The following SHISA9 variants were observed in gnomAD, a reference collection of about 807,000 sequenced individuals.
SHISA9 encodes protein shisa-9.
A neutral mutation model predicts 38.0 loss-of-function variants in SHISA9; 13 were observed. The ratio of observed to expected loss-of-function variants is 0.34; its 90% CI spans 0.22 to 0.54. The LOEUF is 0.54. SHISA9 is among the 20% of genes least tolerant of loss of function. The pLI is 0.91. For missense variants in SHISA9, 538 were observed against 575.8 expected (o/e 0.93, Z 0.67); for synonymous variants, 275 against 242.0 (o/e 1.14, Z -1.27).
At chr16:13,513,372 G>GT in the SHISA9 span, among the ~76,000 whole-genome samples, 1 of 152,150 alleles carries the variant, frequency 6.6e-6, no homozygotes, top group Admixed American at 6.5e-5. Flanking sequence ...AAATAGGAAT[G>GT]TTTTTACACT....
At chr16:13,227,131 G>A (rs897583201) in intron 4 of SHISA9, among the ~76,000 whole-genome samples, 2 of 152,162 alleles carry the variant, frequency 1.3e-5, no homozygotes, top group Non-Finnish European at 2.9e-5. Flanking sequence ...TTCCAGGATG[G>A]CAGGAACCAT....
Position 13,237,698 on chromosome 16 carries a change from C to A in SHISA9, c.*2289C>A, listed in dbSNP as rs991482116. 2.1e-5 allele frequency: 3 copies of A among 145,832 alleles called. No individual in the cohort carries two copies. Among genetic ancestry groups the A allele is most frequent in the Non-Finnish European group, 3.0e-5 (2 of 66,142 alleles). The allele number at this position is 145,832 out of a possible 1,614,324, so 9.0% of individuals were successfully genotyped here. On this transcript the variant is annotated 3_prime_UTR_variant, in exon 5 of 5. Coordinates refer to ENST00000558583, the MANE Select transcript of SHISA9 (RefSeq NM_001145204.3). ...AAAAAAAAAGAGATCTTTCAAAGAA[C>A]GCATAATAGGAGATCTCCATGTATA...
the SHISA9 span, among the ~76,000 whole-genome samples, chr16:13,533,781 AT>A: frequency 0.014 from 1,817 of 128,112 alleles, 15 homozygotes; most frequent in African/African-American, 0.041. Flanking sequence ...ATAACTCTCA[AT>A]TTTTTTTTTT....
chr16:13,459,732 A>G, the SHISA9 span, among the ~76,000 whole-genome samples: 1 of 152,178 alleles, frequency 6.6e-6, no homozygotes, highest in Non-Finnish European at 1.5e-5. Context: ...TCATGCCTGG[A>G]GACCTTAATG....
At chr16:13,321,305 T>C in the SHISA9 span, among the ~76,000 whole-genome samples, 1 of 152,180 alleles carries the variant, frequency 6.6e-6, no homozygotes, top group African/African-American at 2.4e-5. Flanking sequence ...TTTTATAGCA[T>C]AGAACACAGA....
the SHISA9 span, among the ~76,000 whole-genome samples, chr16:13,502,297 A>T: frequency 1.3e-5 from 2 of 152,190 alleles, no homozygotes; most frequent in Non-Finnish European, 2.9e-5. Context: ...GGCTGAGTAC[A>T]TATCATGCAG....
At chr16:13,057,984 T>C (rs868756223) in intron 2 of SHISA9, among the ~76,000 whole-genome samples, 22 of 152,298 alleles carry the variant, frequency 1.4e-4, no homozygotes, top group Middle Eastern at 6.8e-3. Context: ...CATGATCTCG[T>C]TCCTTTTTAT....
chr16:12,943,507 TA>T (rs1357844425), intron 2 of SHISA9, among the ~76,000 whole-genome samples: 2 of 152,172 alleles, frequency 1.3e-5, no homozygotes, highest in African/African-American at 2.4e-5. Flanking sequence ...ATTTATATTT[TA>T]CTTTGCTGTC....
the SHISA9 span, among the ~76,000 whole-genome samples, chr16:13,387,361 TCAGAGA>T: frequency 6.6e-6 from 1 of 152,092 alleles, no homozygotes; most frequent in Non-Finnish European, 1.5e-5. Context: ...AAATTTGGAC[TCAGAGA>T]CAGACAGGGA....
intron 2 of SHISA9, among the ~76,000 whole-genome samples, chr16:13,175,945 C>T (rs997922958): frequency 6.6e-6 from 1 of 151,972 alleles, no homozygotes; most frequent in African/African-American, 2.4e-5. Context: ...AGATTTGAAC[C>T]GAGGTATGTT....
chr16:13,531,778 G>A, the SHISA9 span, among the ~76,000 whole-genome samples: 1 of 152,080 alleles, frequency 6.6e-6, no homozygotes, highest in African/African-American at 2.4e-5. Context: ...GGGCGGTGTG[G>A]GGGGCAGGGA....
intron 2 of SHISA9, among the ~76,000 whole-genome samples, chr16:13,066,812 T>A (rs2073440169): frequency 6.6e-6 from 1 of 152,216 alleles, no homozygotes; most frequent in Non-Finnish European, 1.5e-5. Flanking sequence ...TTTACAGATA[T>A]ATTTTATGTT....
In SHISA9 at chr16:13,201,411, A is replaced by G. The variant is rs1418060523; in HGVS notation, c.692-1983A>G. Among the ~76,000 whole-genome samples the G allele has an allele frequency of 3.7e-5, 5 of 135,854 alleles. No homozygotes were observed. In the East Asian group the frequency reaches 9.9e-4, roughly 27 times the overall value. 89.1% of individuals were successfully genotyped at this position (135,854 alleles called of 152,430 possible). A position where few individuals can be genotyped will look rare whatever the true frequency, so the allele number is the denominator to read the frequency against. ...TAAATAGTTGTTACACTGTATTTTT[A>G]CTTGTATTATTTTTAACTATTGTAT... On this transcript the variant is annotated intron_variant, in intron 2 of 4. Transcript: ENST00000558583.
At chr16:13,220,194 A>G (rs1397618368) in intron 4 of SHISA9, among the ~76,000 whole-genome samples, 2 of 152,244 alleles carry the variant, frequency 1.3e-5, no homozygotes, top group East Asian at 1.9e-4. Context: ...TTCTTATCTC[A>G]GGTGATTTCA....
intron 2 of SHISA9, among the ~76,000 whole-genome samples, chr16:12,992,039 G>C (rs940617874): frequency 3.9e-5 from 6 of 152,162 alleles, no homozygotes; most frequent in African/African-American, 1.4e-4. Context: ...TTTTGTTGAA[G>C]AAATGAATAT....
the SHISA9 span, among the ~76,000 whole-genome samples, chr16:13,349,608 A>G: frequency 2.0e-5 from 3 of 152,234 alleles, no homozygotes; most frequent in South Asian, 6.2e-4. Flanking sequence ...AGATGTTTTC[A>G]ATTCCAAGTT....
At chr16:13,321,052 C>T in the SHISA9 span, among the ~76,000 whole-genome samples, 14 of 152,162 alleles carry the variant, frequency 9.2e-5, no homozygotes, top group African/African-American at 3.4e-4. Context: ...TTGACTTTAT[C>T]TAAATTTTAA....
At chr16:13,291,102 G>C in the SHISA9 span, among the ~76,000 whole-genome samples, 1 of 152,096 alleles carries the variant, frequency 6.6e-6, no homozygotes, top group Non-Finnish European at 1.5e-5. Flanking sequence ...GCTGTGTGGG[G>C]TACTTTGCTT....
At chr16:13,270,216 C>G in the SHISA9 span, among the ~76,000 whole-genome samples, 1 of 152,108 alleles carries the variant, frequency 6.6e-6, no homozygotes, top group East Asian at 1.9e-4. Flanking sequence ...AGGCTGCAAC[C>G]TGGCTGAGAC....
Sources: allele counts gnomAD v4.1 joint callset (sites outside exome capture counted in the v4.1 genomes callset), GRCh38; gene constraint gnomAD v4.1.1; transcripts MANE v1.5; gene names NCBI Gene and HGNC (gene_info 2026-07-23, HGNC 2026-07-21).